Variants in SSBP2 observed in about 807,000 individuals in gnomAD.
The protein encoded by SSBP2 is single stranded DNA binding protein 2.
A neutral mutation model predicts 61.8 loss-of-function variants in SSBP2; 17 were observed. The observed-to-expected ratio is 0.28, with a 90% CI of 0.19 to 0.41. The LOEUF is 0.41. Among genes scored for constraint, SSBP2 ranks in the 10% least tolerant of loss-of-function variants. The pLI, the probability that SSBP2 is intolerant of heterozygous loss-of-function variation, is 1.00. For missense variants in SSBP2, 310 were observed against 458.7 expected, an observed-to-expected ratio of 0.68 and a Z score of 2.96; for synonymous variants, 139 against 141.3, an observed-to-expected ratio of 0.98 and a Z score of 0.12.
intron 8 of SSBP2, among the ~76,000 whole-genome samples, chr5:81,472,222 A>G (rs1191847884): frequency 6.6e-6 from 1 of 152,194 alleles, no homozygotes; most frequent in Non-Finnish European, 1.5e-5. Context: ...AGTTTCTTTG[A>G]AAAATGACAT....
chr5:81,701,444 A>G (rs1308817100), intron 1 of SSBP2, among the ~76,000 whole-genome samples: 2 of 152,202 alleles, frequency 1.3e-5, no homozygotes, highest in Non-Finnish European at 2.9e-5. Context: ...AAGTGAGCCC[A>G]TGTCCTTGGT....
At chr5:81,540,440 T>C (rs1183922045) in intron 4 of SSBP2, among the ~76,000 whole-genome samples, 2 of 152,246 alleles carry the variant, frequency 1.3e-5, no homozygotes, top group Non-Finnish European at 2.9e-5. Flanking sequence ...CCATTCTAAC[T>C]GGCATGAGAT....
In SSBP2 at chr5:81,701,370, G is replaced by C. The variant is rs79581582; in HGVS notation, c.62+49611C>G. On this transcript the variant is annotated intron_variant, in intron 1 of 16. Transcript: ENST00000320672. ...TCACTGATCATAGAACCTCATAATA[G>C]ATATAATAATAATAAAAAGTTTGAA... 4.7e-3 allele frequency among the ~76,000 whole-genome samples: 710 copies of C among 152,092 alleles called. 2 individuals carry two copies. The highest frequency in any genetic ancestry group is 0.015 in the African/African-American group (642 of 41,480).
intron 1 of SSBP2, among the ~76,000 whole-genome samples, chr5:81,715,601 G>T (rs754785613): frequency 9.9e-5 from 15 of 152,100 alleles, no homozygotes; most frequent in Non-Finnish European, 1.9e-4. Flanking sequence ...AAATAAAACT[G>T]TGTACAAGAA....
At chr5:81,637,662 C>A (rs979128494) in intron 2 of SSBP2, among the ~76,000 whole-genome samples, 1 of 152,058 alleles carries the variant, frequency 6.6e-6, no homozygotes, top group South Asian at 2.1e-4. Context: ...ATAATAGTCA[C>A]CTATATCACA....
intron 1 of SSBP2, among the ~76,000 whole-genome samples, chr5:81,729,070 C>T (rs1327881820): frequency 6.6e-6 from 1 of 152,050 alleles, no homozygotes; most frequent in African/African-American, 2.4e-5. Flanking sequence ...ACACTGCATA[C>T]ATATATCAAA....
rs927144891 is a variant in SSBP2 at position 81,416,686 on chromosome 5, C to T, written c.*3818G>A. 1.3e-5 allele frequency: 2 copies of T among 152,146 alleles called. No homozygotes were observed. Among genetic ancestry groups the T allele is most frequent in the African/African-American group, 4.8e-5 (2 of 41,418 alleles). 9.4% of individuals were successfully genotyped at this position (152,146 alleles called of 1,614,324 possible). A position where few individuals can be genotyped will look rare whatever the true frequency, so the allele number is the denominator to read the frequency against. The stretch of plus-strand genomic sequence containing the variant: ...TTATTTTCATTTGTTGTCTTTTAAA[C>T]CACAGAAGTGCTAACTGAATAACCC... On this transcript the variant is annotated 3_prime_UTR_variant, in exon 17 of 17. Transcript: ENST00000320672.
upstream of SSBP2, chr5:81,751,739 G>A (rs971706075): frequency 5.2e-5 from 8 of 152,416 alleles, no homozygotes; most frequent in African/African-American, 1.9e-4. Flanking sequence ...GGGCCGGCTG[G>A]CGAGGGACAC....
intron 4 of SSBP2, among the ~76,000 whole-genome samples, chr5:81,553,263 ATGTTT>A (rs1772345683): frequency 6.6e-6 from 1 of 152,208 alleles, no homozygotes; most frequent in African/African-American, 2.4e-5. Context: ...ACTACCTTTT[ATGTTT>A]TATTTTCTCT....
intron 4 of SSBP2, among the ~76,000 whole-genome samples, chr5:81,536,965 C>CTGCA (rs1404366508): frequency 6.6e-6 from 1 of 150,836 alleles, no homozygotes; most frequent in Non-Finnish European, 1.5e-5. Context: ...GATCACAACA[C>CTGCA]TGCACTCCAG....
intron 1 of SSBP2, among the ~76,000 whole-genome samples, chr5:81,685,739 G>A (rs771862156): frequency 2.6e-5 from 4 of 152,066 alleles, no homozygotes; most frequent in Non-Finnish European, 5.9e-5. Flanking sequence ...CCAACAGATG[G>A]GGTTCTAGAT....
chr5:81,702,864 AGCCTT>A (rs1754089007), intron 1 of SSBP2, among the ~76,000 whole-genome samples: 1 of 152,200 alleles, frequency 6.6e-6, no homozygotes, highest in Non-Finnish European at 1.5e-5. Flanking sequence ...TTGCCAATCA[AGCCTT>A]ATATTGAACT....
chr5:81,433,250 T>C (rs931785994), intron 15 of SSBP2, among the ~76,000 whole-genome samples: 2 of 152,160 alleles, frequency 1.3e-5, no homozygotes, highest in African/African-American at 4.8e-5. Context: ...ACTTTTCATT[T>C]TGTTCTATAC....
At chr5:81,750,547 G>A (rs1581479456) in intron 1 of SSBP2, among the ~76,000 whole-genome samples, 1 of 124,520 alleles carries the variant, frequency 8.0e-6, no homozygotes, top group East Asian at 2.4e-4. Flanking sequence ...GACCCCGGCC[G>A]GCCCGCCAAA....
chr5:81,553,212 A>C (rs6890850), intron 4 of SSBP2, among the ~76,000 whole-genome samples: 3 of 152,012 alleles, frequency 2.0e-5, no homozygotes, highest in African/African-American at 7.3e-5. Flanking sequence ...CGAAATGTAC[A>C]TGCAAAACCT....
intron 6 of SSBP2, among the ~76,000 whole-genome samples, chr5:81,480,509 G>T (rs1261733515): frequency 6.6e-6 from 1 of 152,108 alleles, no homozygotes; most frequent in African/African-American, 2.4e-5. Context: ...GTAATCTTTT[G>T]GCTTGTAGAA....
At chr5:81,563,334 C>T (rs918884549) in intron 4 of SSBP2, among the ~76,000 whole-genome samples, 1 of 152,066 alleles carries the variant, frequency 6.6e-6, no homozygotes, top group Non-Finnish European at 1.5e-5. Context: ...ATCCCGAATC[C>T]AAACTCTGGA....
intron 1 of SSBP2, among the ~76,000 whole-genome samples, chr5:81,737,185 T>G (rs1756678415): frequency 6.6e-6 from 1 of 150,712 alleles, no homozygotes; most frequent in African/African-American, 2.4e-5. Context: ...TTAATGATAA[T>G]AATAATAAAA....
intron 15 of SSBP2, among the ~76,000 whole-genome samples, chr5:81,434,556 GAGGCGGA>G (rs1390807221): frequency 6.7e-6 from 1 of 148,968 alleles, no homozygotes; most frequent in Non-Finnish European, 1.5e-5. Context: ...TTGAACCCAG[GAGGCGGA>G]GGTTGCGGTG....
Sources: allele counts gnomAD v4.1 joint callset (sites outside exome capture counted in the v4.1 genomes callset), GRCh38; gene constraint gnomAD v4.1.1; transcripts MANE v1.5; gene names NCBI Gene and HGNC (gene_info 2026-07-23, HGNC 2026-07-21).